Variants in NEDD4 observed in about 807,000 individuals in gnomAD.
The protein encoded by NEDD4 is NEDD4 E3 ubiquitin protein ligase.
In NEDD4, 99 loss-of-function variants were observed where a neutral mutation model predicts 144.9. That is an observed-to-expected ratio of 0.68 (90% CI 0.58 to 0.81). The LOEUF (loss-of-function observed/expected upper bound fraction) is 0.81, where lower values mean the gene tolerates loss of function less well. NEDD4 is among the 30% of genes least tolerant of loss of function. The pLI, the probability that NEDD4 is intolerant of heterozygous loss-of-function variation, is 0.00. For synonymous variants in NEDD4, 318 were observed against 350.6 expected (o/e 0.91, Z 1.04); for missense variants, 985 against 1,065.9 (o/e 0.92, Z 1.06).
At chr15:55,957,221 G>T (rs538711709) in intron 2 of NEDD4, among the ~76,000 whole-genome samples, 2 of 152,006 alleles carry the variant, frequency 1.3e-5, no homozygotes, top group East Asian at 1.9e-4. Context: ...GGCTTTCTAC[G>T]TACAAACCAT....
intron 4 of NEDD4, among the ~76,000 whole-genome samples, chr15:55,941,587 C>CA (rs796924051): frequency 3.4e-5 from 5 of 145,324 alleles, no homozygotes; most frequent in African/African-American, 1.0e-4. Flanking sequence ...TTTTTTGAGA[C>CA]AGAGTCTCAC....
At chr15:55,967,707 A>T (rs1241406404) in intron 1 of NEDD4, among the ~76,000 whole-genome samples, 1 of 147,386 alleles carries the variant, frequency 6.8e-6, no homozygotes, top group East Asian at 2.2e-4. Flanking sequence ...TAAGAAATAT[A>T]AAAAAACTTC....
At chr15:55,880,569 A>G (rs1015492710) in intron 5 of NEDD4, among the ~76,000 whole-genome samples, 4 of 152,210 alleles carry the variant, frequency 2.6e-5, no homozygotes, top group Non-Finnish European at 5.9e-5. Flanking sequence ...ATTTTCAGAT[A>G]CTGGTATTTT....
At chr15:55,962,788 AT>A (rs541842989) in intron 2 of NEDD4, among the ~76,000 whole-genome samples, 1 of 149,280 alleles carries the variant, frequency 6.7e-6, no homozygotes, top group African/African-American at 2.5e-5. Flanking sequence ...TCCGACTTTT[AT>A]TTTTTTTATT....
rs1361239837 is a variant in NEDD4 at position 55,829,654 on chromosome 15, C to T, written c.*243G>A. ...ACTCTAAAGCCAGGTGTGGTGGTGC[C>T]TGGCTTTAGGCAGGCACCTAACTCT... On this transcript the variant is annotated 3_prime_UTR_variant, in exon 29 of 29. Transcript: ENST00000435532. The T allele has an allele frequency of 2.7e-6, 1 of 377,274 alleles. No individual in the cohort carries two copies. Among genetic ancestry groups the T allele is most frequent in the East Asian group, 5.1e-5 (1 of 19,762 alleles). The allele number at this position is 377,274 out of a possible 1,614,324, so 23.4% of individuals were successfully genotyped here.
At chr15:55,915,002 T>C (rs1426183270) in intron 5 of NEDD4, among the ~76,000 whole-genome samples, 2 of 152,090 alleles carry the variant, frequency 1.3e-5, no homozygotes, top group Non-Finnish European at 2.9e-5. Flanking sequence ...GTTTGTTTTG[T>C]TGTAGAAAGT....
chr15:55,924,679 C>A lies in NEDD4; in HGVS notation c.258G>T (p.Arg86=). ...TTTCGTCAAACACTTCAAAAAGAAGCCGGTGCTGCTGAGGATGAACCTAAG... is the reference window on the plus strand; with the variant it reads ...TTTCGTCAAACACTTCAAAAAGAAGACGGTGCTGCTGAGGATGAACCTAAG... The part of the protein sequence containing the change: ...ILFRVHPQQH[R]LLFEVFDENR... Residue 86 remains arginine, a synonymous_variant, in exon 5 of 29, where the codon CGG becomes CGT. Coordinates refer to ENST00000435532, the MANE Select transcript of NEDD4 (RefSeq NM_006154.4). 1 of 1,609,762 alleles carries A rather than the reference C, an allele frequency of 6.2e-7. No homozygotes were observed. Among genetic ancestry groups the A allele is most frequent in the Non-Finnish European group, 8.5e-7 (1 of 1,177,984 alleles).
chr15:55,944,520 A>C (rs1265019673), intron 4 of NEDD4, among the ~76,000 whole-genome samples: 11 of 152,204 alleles, frequency 7.2e-5, no homozygotes, highest in African/African-American at 2.4e-4. Flanking sequence ...TCAGCTCATC[A>C]AGGCCTACTG....
At chr15:55,980,553 CCAAA>C (rs1441381566) in intron 1 of NEDD4, among the ~76,000 whole-genome samples, 10 of 151,940 alleles carry the variant, frequency 6.6e-5, no homozygotes, top group Non-Finnish European at 1.2e-4. Flanking sequence ...ATGTAAGCCA[CCAAA>C]CAAAGGAATA....
chr15:55,935,119 C>T (rs1001936238), intron 4 of NEDD4, among the ~76,000 whole-genome samples: 48 of 152,166 alleles, frequency 3.2e-4, no homozygotes, highest in African/African-American at 1.1e-3. Flanking sequence ...CCACCCTCCT[C>T]GGCCTCCCAA....
exon 1 of NEDD4, chr15:55,993,609 CTGTGGAG>C: frequency 6.3e-7 from 1 of 1,576,562 alleles, no homozygotes; most frequent in Non-Finnish European, 8.6e-7. Context: ...GGGCAGGCAA[CTGTGGAG>C]GAGGAGGAGG....
chr15:55,979,864 A>C (rs986075496), intron 1 of NEDD4, among the ~76,000 whole-genome samples: 14 of 151,970 alleles, frequency 9.2e-5, no homozygotes, highest in Non-Finnish European at 2.9e-5. Context: ...CCACTTTTAA[A>C]ACTGAGATTT....
chr15:55,874,981 A>T (rs1482035444), intron 5 of NEDD4, among the ~76,000 whole-genome samples: 2 of 151,722 alleles, frequency 1.3e-5, no homozygotes, highest in Non-Finnish European at 2.9e-5. Context: ...TCAAAAAGAA[A>T]AAAAAAAAGG....
chr15:55,921,712 A>G (rs890155230), intron 5 of NEDD4, among the ~76,000 whole-genome samples: 9 of 152,170 alleles, frequency 5.9e-5, no homozygotes, highest in African/African-American at 2.2e-4. Flanking sequence ...TTATCCATCT[A>G]TAAATATCCA....
intron 5 of NEDD4, among the ~76,000 whole-genome samples, chr15:55,922,704 T>C (rs1420471955): frequency 6.6e-6 from 1 of 152,098 alleles, no homozygotes; most frequent in Non-Finnish European, 1.5e-5. Flanking sequence ...GTGATAAAAG[T>C]ATTTTAAAAA....
chr15:55,989,942 C>A (rs2037962302), intron 1 of NEDD4, among the ~76,000 whole-genome samples: 1 of 152,078 alleles, frequency 6.6e-6, no homozygotes, highest in African/African-American at 2.4e-5. Context: ...TGCTGCCTGT[C>A]AGATCAGCAG....
Position 55,860,765 on chromosome 15 carries a change from C to G in NEDD4, c.688G>C (p.Asp230His), listed in dbSNP as rs772808224. Residue 230 changes from aspartate (D) to histidine (H), a missense_variant, in exon 10 of 29, where the codon GAT becomes CAT. By Grantham distance (81) the Asp-to-His change is moderately conservative. Coordinates refer to ENST00000435532, the MANE Select transcript of NEDD4 (RefSeq NM_006154.4). ...AGTTGAATGTTGCCATTCTCAGCATCTGTTAGGTTGTCCCTATATTGGAAG... is the reference window on the plus strand; with the variant it reads ...AGTTGAATGTTGCCATTCTCAGCATGTGTTAGGTTGTCCCTATATTGGAAG... ...KRPTPQDNLTDAENGNIQLQA... is the reference protein window; with the variant it reads ...KRPTPQDNLTHAENGNIQLQA... 1.9e-6 allele frequency: 3 copies of G among 1,614,048 alleles called. No individual in the cohort carries two copies. The highest frequency in any genetic ancestry group is 4.5e-5 in the East Asian group (2 of 44,884).
chr15:55,853,712 G>GGCATGATGGCTCACCCCTGTAATCCCA (rs2034080729), intron 12 of NEDD4, among the ~76,000 whole-genome samples: 1 of 152,220 alleles, frequency 6.6e-6, no homozygotes, highest in African/African-American at 2.4e-5. Context: ...ATCCAGGCTG[G>GGCATGATGGCTCACCCCTGTAATCCCA]GCATGATGGC....
intron 5 of NEDD4, among the ~76,000 whole-genome samples, chr15:55,907,514 C>A (rs10518828): frequency 0.14 from 21,735 of 152,154 alleles, 1,695 homozygotes; most frequent in East Asian, 0.36. Context: ...AACCTCTTCA[C>A]ATCCAGGAAG....
Sources: gnomAD v4.1 joint callset for allele counts (sites outside exome capture counted in the v4.1 genomes callset) on GRCh38, gnomAD v4.1.1 for gene constraint, MANE v1.5 for transcripts, NCBI Gene and HGNC (gene_info 2026-07-23, HGNC 2026-07-21) for gene names.